GARIN5A: variants seen among roughly 807,000 people sequenced by gnomAD.
The protein encoded by GARIN5A is Golgi-associated RAB2 interactor protein 5A.
the GARIN5A span, among the ~76,000 whole-genome samples, chr19:50,471,811 C>T: frequency 6.7e-6 from 1 of 148,460 alleles, no homozygotes; most frequent in Admixed American, 6.6e-5. Flanking sequence ...TATACGCATA[C>T]ATACCTGTGT....
the GARIN5A span, among the ~76,000 whole-genome samples, chr19:50,474,182 C>CT: frequency 3.1e-4 from 46 of 146,224 alleles, no homozygotes; most frequent in Non-Finnish European, 2.3e-4. Flanking sequence ...TTTATTCTCT[C>CT]TTTTTTTTTT....
At chr19:50,474,734 G>A in the GARIN5A span, among the ~76,000 whole-genome samples, 12 of 151,880 alleles carry the variant, frequency 7.9e-5, no homozygotes, top group Admixed American at 7.9e-4. Context: ...TGATCTGCCT[G>A]CCTTGGCCTC....
chr19:50,476,677 T>G, the GARIN5A span: 6 of 1,442,942 alleles, frequency 4.2e-6, no homozygotes, highest in African/African-American at 8.8e-5. Context: ...TCTTTAGCTG[T>G]GCATAGCGGG....
chr19:50,471,920 G>GTGTA, the GARIN5A span, among the ~76,000 whole-genome samples: 1 of 150,430 alleles, frequency 6.6e-6, no homozygotes, highest in South Asian at 2.1e-4. Context: ...GTGTATATGT[G>GTGTA]TATATACATG....
At chr19:50,475,243 T>A in the GARIN5A span, 1 of 1,485,774 alleles carries the variant, frequency 6.7e-7, no homozygotes, top group Non-Finnish European at 8.9e-7. Context: ...GGGGGTGGTC[T>A]GGACGAGGGG....
At chr19:50,476,122 T>A in the GARIN5A span, 8 of 1,612,666 alleles carry the variant, frequency 5.0e-6, no homozygotes, top group Admixed American at 6.7e-5. Flanking sequence ...CTGGCTCCCC[T>A]CTCTCACCTG....
chr19:50,472,110 G>GTGTATA, the GARIN5A span, among the ~76,000 whole-genome samples: 1 of 138,292 alleles, frequency 7.2e-6, no homozygotes, highest in East Asian at 2.0e-4. Context: ...ATATATACGT[G>GTGTATA]TGTATATGTA....
chr19:50,470,657 G>T, the GARIN5A span, among the ~76,000 whole-genome samples: 11 of 133,954 alleles, frequency 8.2e-5, no homozygotes, highest in South Asian at 4.9e-4. Flanking sequence ...GGCTACTGCT[G>T]TTTTTTTTTT....
At chr19:50,473,229 G>C in the GARIN5A span, among the ~76,000 whole-genome samples, 8 of 152,180 alleles carry the variant, frequency 5.3e-5, no homozygotes, top group Non-Finnish European at 1.0e-4. Flanking sequence ...TGCAGAGAAG[G>C]AACTGTGGAC....
At chr19:50,471,393 T>C in the GARIN5A span, among the ~76,000 whole-genome samples, 7 of 152,096 alleles carry the variant, frequency 4.6e-5, no homozygotes, top group Admixed American at 4.6e-4. Context: ...CTCAGCCTCC[T>C]GAGTAGCTGG....
the GARIN5A span, among the ~76,000 whole-genome samples, chr19:50,471,657 CACGTGTGTGTATACGCATACAT>C: frequency 1.6e-5 from 2 of 123,054 alleles, no homozygotes; most frequent in African/African-American, 6.4e-5. Context: ...CGCATACATG[CACGTGTGTGTATACGCATACAT>C]GCACGTGTGT....
At chr19:50,473,818 C>T in the GARIN5A span, among the ~76,000 whole-genome samples, 1 of 152,096 alleles carries the variant, frequency 6.6e-6, no homozygotes. Flanking sequence ...GAAACCCCGT[C>T]TCTACTAAAA....
the GARIN5A span, among the ~76,000 whole-genome samples, chr19:50,474,508 A>T: frequency 8.2e-4 from 125 of 151,840 alleles, no homozygotes; most frequent in Non-Finnish European, 1.4e-3. Flanking sequence ...ACCACGCCCG[A>T]CTAATTTTTT....
At chr19:50,471,999 T>C in the GARIN5A span, among the ~76,000 whole-genome samples, 1 of 150,724 alleles carries the variant, frequency 6.6e-6, no homozygotes, top group Non-Finnish European at 1.5e-5. Flanking sequence ...TATATATACG[T>C]GTATGTATAT....
chr19:50,467,474 C>A, the GARIN5A span: 1 of 914,214 alleles, frequency 1.1e-6, no homozygotes, highest in Non-Finnish European at 1.6e-6. Context: ...GACCCAAGCT[C>A]TCTCCTCTCT....
chr19:50,467,838 G>C, the GARIN5A span: 2 of 1,612,302 alleles, frequency 1.2e-6, no homozygotes, highest in Non-Finnish European at 1.7e-6. Context: ...GCCTGGGTGG[G>C]AGGAAGGGGC....
chr19:50,474,939 G>C, the GARIN5A span, among the ~76,000 whole-genome samples: 2 of 152,094 alleles, frequency 1.3e-5, no homozygotes, highest in African/African-American at 4.8e-5. Flanking sequence ...TGGGCAACTG[G>C]CTCCCGGCTC....
At chr19:50,470,037 A>G in the GARIN5A span, among the ~76,000 whole-genome samples, 3 of 152,234 alleles carry the variant, frequency 2.0e-5, no homozygotes, top group African/African-American at 7.2e-5. Flanking sequence ...AGATGAGGAA[A>G]CTGAGGCACA....
chr19:50,472,299 GTATATATACATGTATGTGTGTA>G, the GARIN5A span, among the ~76,000 whole-genome samples: 2 of 148,090 alleles, frequency 1.4e-5, no homozygotes, highest in African/African-American at 2.5e-5. Context: ...GTGTATATAT[GTATATATACATGTATGTGTGTA>G]TATATATATC....
Sources: allele counts gnomAD v4.1 joint callset (sites outside exome capture counted in the v4.1 genomes callset), GRCh38; gene constraint gnomAD v4.1.1; transcripts MANE v1.5; gene names NCBI Gene and HGNC (gene_info 2026-07-23, HGNC 2026-07-21).